CRACD: variants seen among roughly 807,000 people sequenced by gnomAD.
CRACD encodes capping protein inhibiting regulator of actin dynamics, also known as capping protein-inhibiting regulator of actin dynamics.
A neutral mutation model predicts 106.8 loss-of-function variants in CRACD; 56 were observed. The ratio of observed to expected loss-of-function variants is 0.52; its 90% CI spans 0.42 to 0.66. CRACD has a LOEUF of 0.66. Among genes scored for constraint, CRACD ranks in the 30% least tolerant of loss-of-function variants. The probability of loss-of-function intolerance (pLI) is 0.00; values close to 1 mark genes in which losing one functional copy is unlikely to be tolerated. For missense variants in CRACD, 1,730 were observed against 1,623.2 expected, an observed-to-expected ratio of 1.07 and a Z score of -1.13; for synonymous variants, 754 against 670.8, an observed-to-expected ratio of 1.12 and a Z score of -1.92.
chr4:56,069,460 C>T (rs999521640), intron 1 of CRACD, among the ~76,000 whole-genome samples: 2 of 152,134 alleles, frequency 1.3e-5, no homozygotes, highest in Non-Finnish European at 2.9e-5. Flanking sequence ...TCCCGGGACT[C>T]TCCTGTCTGC....
In CRACD at chr4:56,279,884, G is replaced by T. The variant is rs1742921471; in HGVS notation, c.-17+7392G>T. On this transcript the variant is annotated intron_variant, in intron 3 of 10. Transcript: ENST00000682029. ...CACTATTCCCAATAGCAAAGACTTG[G>T]AACCAAGCCAAATGTCCAACAATGA... Among the ~76,000 whole-genome samples the T allele has an allele frequency of 1.3e-5, 2 of 152,130 alleles. 1 individual carries two copies. The highest frequency in any genetic ancestry group is 4.1e-4 in the South Asian group (2 of 4,820).
intron 1 of CRACD, among the ~76,000 whole-genome samples, chr4:56,153,946 A>G (rs972761103): frequency 3.9e-5 from 6 of 152,168 alleles, no homozygotes; most frequent in Non-Finnish European, 8.8e-5. Flanking sequence ...TTCACTATCA[A>G]AATCCTGTTT....
intron 1 of CRACD, among the ~76,000 whole-genome samples, chr4:56,137,006 A>G (rs1016858980): frequency 2.6e-5 from 4 of 152,212 alleles, no homozygotes; most frequent in African/African-American, 9.6e-5. Context: ...CCCTCACACC[A>G]TTGTCAAAAA....
At chr4:56,311,886 G>A (rs537749696) in intron 6 of CRACD, among the ~76,000 whole-genome samples, 14 of 152,324 alleles carry the variant, frequency 9.2e-5, no homozygotes, top group African/African-American at 3.1e-4. Flanking sequence ...AGGTACAGGC[G>A]TGGTGTCCTA....
chr4:56,102,993 ATT>A (rs1733828209), intron 1 of CRACD, among the ~76,000 whole-genome samples: 1 of 152,152 alleles, frequency 6.6e-6, no homozygotes, highest in Non-Finnish European at 1.5e-5. Context: ...GTTGTGTACC[ATT>A]ATTTATTAGG....
intron 2 of CRACD, among the ~76,000 whole-genome samples, chr4:56,269,445 G>T (rs192703804): frequency 6.6e-6 from 1 of 151,918 alleles, no homozygotes; most frequent in Non-Finnish European, 1.5e-5. Flanking sequence ...GAAGCATGGC[G>T]CCAGCATCTG....
Position 56,049,175 on chromosome 4 carries a change from T to G in CRACD, c.-460T>G, listed in dbSNP as rs1731777320. 6.7e-6 allele frequency: 1 copy of G among 149,716 alleles called. No individual in the cohort carries two copies. Among genetic ancestry groups the G allele is most frequent in the Non-Finnish European group, 1.5e-5 (1 of 66,970 alleles). The allele number at this position is 149,716 out of a possible 1,614,324, so 9.3% of individuals were successfully genotyped here. A position where few individuals can be genotyped will look rare whatever the true frequency, so the allele number is the denominator to read the frequency against. On this transcript the variant is annotated 5_prime_UTR_variant, in exon 1 of 11. Transcript: ENST00000682029. Reference sequence around the variant, plus strand: ...TGAGAGGCGGGTGCGCTGCTGGTGCTGCTGCCGCGGCGGCTGCTGATGCGG... The same window carrying G: ...TGAGAGGCGGGTGCGCTGCTGGTGCGGCTGCCGCGGCGGCTGCTGATGCGG...
chr4:56,221,617 A>T (rs558857452), intron 2 of CRACD, among the ~76,000 whole-genome samples: 11 of 152,104 alleles, frequency 7.2e-5, no homozygotes, highest in Non-Finnish European at 1.2e-4. Context: ...CTAAGAAAGG[A>T]CTCATATTCA....
chr4:56,161,087 G>A (rs909480601), intron 1 of CRACD, among the ~76,000 whole-genome samples: 11 of 152,264 alleles, frequency 7.2e-5, no homozygotes, highest in African/African-American at 2.6e-4. Flanking sequence ...TGTCTTTAAA[G>A]AAAGTAATTA....
intron 1 of CRACD, among the ~76,000 whole-genome samples, chr4:56,054,501 A>T (rs4355456): frequency 0.34 from 51,060 of 152,076 alleles, 10,092 homozygotes; most frequent in African/African-American, 0.55. Flanking sequence ...CCTGATGTGA[A>T]AATTCATAGA....
At chr4:56,152,661 T>C (rs902731734) in intron 1 of CRACD, among the ~76,000 whole-genome samples, 17 of 152,176 alleles carry the variant, frequency 1.1e-4, no homozygotes, top group African/African-American at 4.1e-4. Flanking sequence ...ATTACACCTC[T>C]GCAACTCCAG....
chr4:56,288,842 C>A (rs1451084343), intron 3 of CRACD, among the ~76,000 whole-genome samples: 1 of 152,132 alleles, frequency 6.6e-6, no homozygotes, highest in African/African-American at 2.4e-5. Context: ...CATTGCAGTG[C>A]TACTTACAAT....
intron 1 of CRACD, among the ~76,000 whole-genome samples, chr4:56,165,827 G>T (rs554475183): frequency 6.6e-6 from 1 of 152,218 alleles, no homozygotes; most frequent in Non-Finnish European, 1.5e-5. Context: ...GAGTTCAAAT[G>T]GAGAGAGCAA....
At chr4:56,146,140 G>T (rs1735370261) in intron 1 of CRACD, among the ~76,000 whole-genome samples, 1 of 151,948 alleles carries the variant, frequency 6.6e-6, no homozygotes, top group African/African-American at 2.4e-5. Flanking sequence ...TTTCAGTTTT[G>T]ATTTCTATTT....
chr4:56,172,397 A>C lies in CRACD; in HGVS notation c.-335-6887A>C, dbSNP rs189149259. Among the ~76,000 whole-genome samples the C allele has an allele frequency of 6.0e-4, 91 of 152,318 alleles. No homozygotes were observed. The East Asian group carries it at 0.017, about 28-fold the overall frequency. ...ATTTTCTCTGTTACAATCTGTTCTC[A>C]AGTGCCAGGTCACAGGCATCATGAC... On this transcript the variant is annotated intron_variant, in intron 1 of 10. Coordinates refer to ENST00000682029, the MANE Select transcript of CRACD (RefSeq NM_001393381.1).
chr4:56,316,737 C>CTA, intron 8 of CRACD, 48 bp downstream of exon 8: 1 of 1,463,762 alleles, frequency 6.8e-7, no homozygotes, highest in East Asian at 2.4e-5. Context: ...GGTGTCAGAG[C>CTA]CAGGGCATCA....
At chr4:56,302,244 A>T (rs1744410629) in intron 4 of CRACD, among the ~76,000 whole-genome samples, 1 of 152,164 alleles carries the variant, frequency 6.6e-6, no homozygotes, top group Non-Finnish European at 1.5e-5. Context: ...ACTTCGTTGC[A>T]TTTCAGCTAC....
intron 2 of CRACD, among the ~76,000 whole-genome samples, chr4:56,201,800 T>C (rs528736271): frequency 1.3e-5 from 2 of 152,352 alleles, no homozygotes; most frequent in South Asian, 2.1e-4. Flanking sequence ...TCATTGACCC[T>C]ATTAAGAAGC....
intron 1 of CRACD, among the ~76,000 whole-genome samples, chr4:56,123,067 T>G (rs1362993093): frequency 6.6e-6 from 1 of 152,240 alleles, no homozygotes; most frequent in Non-Finnish European, 1.5e-5. Flanking sequence ...CGAAGTAAGA[T>G]AGTCTTTTTA....
Sources: allele counts gnomAD v4.1 joint callset (sites outside exome capture counted in the v4.1 genomes callset), GRCh38; gene constraint gnomAD v4.1.1; transcripts MANE v1.5; gene names NCBI Gene and HGNC (gene_info 2026-07-23, HGNC 2026-07-21).